TENT2: variants seen among roughly 807,000 people sequenced by gnomAD.
TENT2 encodes poly(A) RNA polymerase GLD2.
TENT2 carries 44 observed loss-of-function variants against 72.2 expected under a neutral mutation model. The observed-to-expected ratio is 0.61, with a 90% CI of 0.48 to 0.78. The LOEUF is 0.78. Among genes scored for constraint, TENT2 ranks in the 30% least tolerant of loss-of-function variants. The pLI is 0.00. For synonymous variants in TENT2, 212 were observed against 192.5 expected (o/e 1.10, Z -0.84); for missense variants, 541 against 569.6 (o/e 0.95, Z 0.51).
chr5:79,649,341 A>G (rs1302101142), intron 10 of TENT2, 151 bp downstream of exon 10: 3 of 708,046 alleles, frequency 4.2e-6, no homozygotes, highest in Non-Finnish European at 6.5e-6. Context: ...GCTTTGGACA[A>G]ATGTTTCAGA....
chr5:79,615,456 A>G (rs1386631470), intron 1 of TENT2, among the ~76,000 whole-genome samples: 1 of 152,238 alleles, frequency 6.6e-6, no homozygotes, highest in Non-Finnish European at 1.5e-5. Flanking sequence ...GTTTTTCTGA[A>G]TACATATTTC....
At chr5:79,678,168 C>T (rs903028570) in intron 12 of TENT2, among the ~76,000 whole-genome samples, 13 of 152,144 alleles carry the variant, frequency 8.5e-5, no homozygotes, top group African/African-American at 2.7e-4. Context: ...TTCACAAACT[C>T]CTCTTGATCG....
chr5:79,684,732 C>T (rs971547223), intron 14 of TENT2, among the ~76,000 whole-genome samples: 6 of 152,170 alleles, frequency 3.9e-5, no homozygotes, highest in African/African-American at 1.4e-4. Context: ...TTCAGTACCA[C>T]CTATGTGCCC....
intron 11 of TENT2, among the ~76,000 whole-genome samples, chr5:79,657,641 T>A (rs1798864423): frequency 6.6e-6 from 1 of 152,200 alleles, no homozygotes; most frequent in Non-Finnish European, 1.5e-5. Flanking sequence ...ATAAGAATCC[T>A]TGTGTTTCTT....
chr5:79,668,710 T>G, intron 11 of TENT2, 182 bp from the exon 12 acceptor site: 1 of 572,922 alleles, frequency 1.7e-6, no homozygotes. Flanking sequence ...TTCAGGTACA[T>G]TCTGGTCTAC....
intron 10 of TENT2, among the ~76,000 whole-genome samples, chr5:79,650,045 C>T (rs1284540823): frequency 6.6e-6 from 1 of 152,030 alleles, no homozygotes; most frequent in Non-Finnish European, 1.5e-5. Flanking sequence ...TATGTGGTGA[C>T]ATGAAGACCG....
chr5:79,642,817 T>G lies in TENT2; in HGVS notation c.673-15T>G. 1 of 1,593,262 alleles carries G rather than the reference T, an allele frequency of 6.3e-7. No individual in the cohort carries two copies. Reference sequence around the variant, plus strand: ...AGAAAGATAATGAAAAAACACTTTATTTTTAACTTTTCAGTGTTTTTTTCA... The same window carrying G: ...AGAAAGATAATGAAAAAACACTTTAGTTTTAACTTTTCAGTGTTTTTTTCA... On this transcript the variant is annotated splice_polypyrimidine_tract_variant and intron_variant, in intron 6 of 14. Coordinates refer to ENST00000453514, the MANE Select transcript of TENT2 (RefSeq NM_001114394.3).
intron 11 of TENT2, among the ~76,000 whole-genome samples, chr5:79,657,898 T>C (rs1428518751): frequency 6.6e-6 from 1 of 152,214 alleles, no homozygotes; most frequent in African/African-American, 2.4e-5. Context: ...ATCACCAGCT[T>C]AGATGATTAA....
chr5:79,679,287 G>T (rs547848639), intron 12 of TENT2, among the ~76,000 whole-genome samples: 1 of 152,186 alleles, frequency 6.6e-6, no homozygotes, highest in Non-Finnish European at 1.5e-5. Flanking sequence ...CCTAGGTGAA[G>T]AGTGAAAAAA....
chr5:79,665,971 TC>T (rs1344940270), intron 11 of TENT2, among the ~76,000 whole-genome samples: 2 of 151,764 alleles, frequency 1.3e-5, no homozygotes, highest in East Asian at 3.9e-4. Context: ...TTAAAGAAAT[TC>T]TTTTTTTTTT....
At chr5:79,676,553 C>G (rs1445335508) in intron 12 of TENT2, among the ~76,000 whole-genome samples, 1 of 152,084 alleles carries the variant, frequency 6.6e-6, no homozygotes, top group African/African-American at 2.4e-5. Context: ...CGTCACTGCA[C>G]TCCAGCCTGG....
intron 4 of TENT2, among the ~76,000 whole-genome samples, chr5:79,640,181 A>G (rs974666613): frequency 1.9e-4 from 29 of 151,594 alleles, no homozygotes; most frequent in Non-Finnish European, 3.2e-4. Context: ...GCTTGAACCC[A>G]GGAGGCTGAG....
intron 10 of TENT2, among the ~76,000 whole-genome samples, chr5:79,652,407 A>G (rs1029438223): frequency 2.6e-5 from 4 of 152,048 alleles, no homozygotes; most frequent in African/African-American, 9.7e-5. Flanking sequence ...TTGTATATAT[A>G]CAAATACTGA....
Position 79,619,740 on chromosome 5 carries a change from C to T in TENT2, c.92C>T (p.Ser31Leu), listed in dbSNP as rs1031832074. Residue 31 changes from serine (S) to leucine (L), a missense_variant, in exon 2 of 15, where the codon TCA becomes TTA. Ser to Leu is a moderately radical substitution (Grantham distance 145). Transcript: ENST00000453514. ...NFFTLSPTVY[S>L]HQQLIDAQFN... ...TTTACCCTGTCACCTACTGTTTATT[C>T]ACACCAGCAGCTTATAGATGCACAA... 7 of 1,613,708 alleles carry T rather than the reference C, an allele frequency of 4.3e-6. No homozygotes were observed. In the African/African-American group the frequency reaches 6.7e-5, roughly 15 times the overall value.
At chr5:79,620,790 G>A (rs1764155467) in intron 3 of TENT2, among the ~76,000 whole-genome samples, 1 of 152,110 alleles carries the variant, frequency 6.6e-6, no homozygotes, top group Non-Finnish European at 1.5e-5. Flanking sequence ...CACAATTATA[G>A]CATTTTCTTT....
intron 4 of TENT2, among the ~76,000 whole-genome samples, chr5:79,635,757 T>C (rs1435308670): frequency 1.3e-5 from 2 of 152,186 alleles, no homozygotes; most frequent in African/African-American, 4.8e-5. Flanking sequence ...GTTTAACCGT[T>C]GTTGCTCAGG....
intron 12 of TENT2, among the ~76,000 whole-genome samples, chr5:79,678,718 T>C (rs1373705073): frequency 6.6e-6 from 1 of 152,180 alleles, no homozygotes; most frequent in Non-Finnish European, 1.5e-5. Flanking sequence ...CATCCACTTC[T>C]ATCGAAAATT....
At chr5:79,624,313 C>G (rs1767564297) in intron 4 of TENT2, among the ~76,000 whole-genome samples, 1 of 152,180 alleles carries the variant, frequency 6.6e-6, no homozygotes, top group South Asian at 2.1e-4. Flanking sequence ...CAGCATGGGT[C>G]TGAAACATAG....
chr5:79,633,997 CAAAA>C (rs562252526), intron 4 of TENT2, among the ~76,000 whole-genome samples: 23,123 of 70,330 alleles, frequency 0.33, 2,685 homozygotes, highest in African/African-American at 0.46. Context: ...ACTAAAAATA[CAAAA>C]AAAAAAAAAA....
Sources: allele counts gnomAD v4.1 joint callset (sites outside exome capture counted in the v4.1 genomes callset), GRCh38; gene constraint gnomAD v4.1.1; transcripts MANE v1.5; gene names NCBI Gene and HGNC (gene_info 2026-07-23, HGNC 2026-07-21).